Variants in F9 observed in about 807,000 individuals in gnomAD.
The protein encoded by F9 is Christmas factor.
In F9, 2 loss-of-function variants were observed where a neutral mutation model predicts 34.1. That is an observed-to-expected ratio of 0.06 (90% CI 0.02 to 0.18). The LOEUF (loss-of-function observed/expected upper bound fraction) is 0.18. F9 is among the 10% of genes least tolerant of loss of function. The probability of loss-of-function intolerance (pLI) is 1.00; values close to 1 mark genes in which losing one functional copy is unlikely to be tolerated. For synonymous variants in F9, 137 were observed against 118.8 expected (o/e 1.15, Z -1.00); for missense variants, 216 against 345.1 (o/e 0.63, Z 2.96).
At position 139,551,896 on chromosome X, in the gene F9, G is replaced by C. The variant is rs192829869; in HGVS notation, c.723+632G>C. ...GCAGGTGATTTTGATGCACATTATA[G>C]TTTGAAAACTAGGCCAGGTGCAGTG... On this transcript the variant is annotated intron_variant, in intron 6 of 7. Transcript: ENST00000218099. Among the ~76,000 whole-genome samples, 3 of 111,963 alleles carry C rather than the reference G, an allele frequency of 2.7e-5. No individual in the cohort carries two copies. The East Asian group carries it at 8.5e-4, about 32-fold the overall frequency.
chrX:139,562,184 A>G lies in F9; in HGVS notation c.*113A>G. ...ATTTGAATATATACATTCTATGATCATTGCTTTTTCTCTTTACAGGGGAGA... is the reference window on the plus strand; with the variant it reads ...ATTTGAATATATACATTCTATGATCGTTGCTTTTTCTCTTTACAGGGGAGA... On this transcript the variant is annotated 3_prime_UTR_variant, in exon 8 of 8. Transcript: ENST00000218099. 2 of 692,245 alleles carry G rather than the reference A, an allele frequency of 2.9e-6. No homozygotes were observed. The highest frequency in any genetic ancestry group is 4.4e-6 in the Non-Finnish European group (2 of 457,195). 57.0% of individuals were successfully genotyped at this position (692,245 alleles called of 1,213,427 possible).
At chrX:139,538,777 C>T (rs1344273869) in intron 3 of F9, among the ~76,000 whole-genome samples, 2 of 110,330 alleles carry the variant, frequency 1.8e-5, no homozygotes, top group African/African-American at 3.3e-5. Context: ...CCAAAAAATT[C>T]CTGACTATTA....
chrX:139,551,181 A>G lies in F9; in HGVS notation c.640A>G (p.Ile214Val). The change falls in exon 6 of 8, where the codon ATC becomes GTC. Residue 214 changes from isoleucine to valine, a missense_variant. Coordinates refer to ENST00000218099, the MANE Select transcript of F9 (RefSeq NM_000133.4). ...STEAETILDN[I>V]TQSTQSFNDF... ...TGAAGCTGAAACCATTTTGGATAACATCACTCAAAGCACCCAATCATTTAA... is the reference window on the plus strand; with the variant it reads ...TGAAGCTGAAACCATTTTGGATAACGTCACTCAAAGCACCCAATCATTTAA... 8.3e-7 allele frequency: 1 copy of G among 1,211,516 alleles called. No homozygotes were observed. The highest frequency in any genetic ancestry group is 1.1e-6 in the Non-Finnish European group (1 of 895,336).
intron 5 of F9, among the ~76,000 whole-genome samples, chrX:139,550,534 T>A (rs1927816168): frequency 9.0e-6 from 1 of 111,718 alleles, no homozygotes; most frequent in Non-Finnish European, 1.9e-5. Context: ...TGGCTAATAT[T>A]TGAAGCCCAA....
chrX:139,544,346 G>A (rs747918428), intron 4 of F9, among the ~76,000 whole-genome samples: 56 of 108,963 alleles, frequency 5.1e-4, no homozygotes, highest in Middle Eastern at 9.3e-3. Flanking sequence ...GAGGAGAAAG[G>A]CCTTTTAATT....
chrX:139,547,849 A>G (rs1260833760), intron 4 of F9: 4 of 113,872 alleles, frequency 3.5e-5, no homozygotes, highest in African/African-American at 9.7e-5. Context: ...ACTTCTGTTT[A>G]TAATTCAAGA....
chrX:139,537,631 G>A (rs1170346475), intron 3 of F9, among the ~76,000 whole-genome samples: 1 of 111,498 alleles, frequency 9.0e-6, no homozygotes, highest in African/African-American at 3.3e-5. Flanking sequence ...CCCCAGGAGG[G>A]TGGAAGGAAG....
chrX:139,558,013 C>G (rs1224122799), intron 6 of F9, among the ~76,000 whole-genome samples: 1 of 112,624 alleles, frequency 8.9e-6, no homozygotes, highest in African/African-American at 3.2e-5. Flanking sequence ...CTCCAAACAC[C>G]TGCCCAATGA....
At position 139,562,366 on chromosome X, in the gene F9, A is replaced by G. The variant is rs1267897990; in HGVS notation, c.*295A>G. 3 of 295,983 alleles carry G rather than the reference A, an allele frequency of 1.0e-5. No individual in the cohort carries two copies. The highest frequency in any genetic ancestry group is 6.9e-5 in the East Asian group (1 of 14,478). The allele number at this position is 295,983 out of a possible 1,213,427, so 24.4% of individuals were successfully genotyped here. ...CCATCAGATACTATGGTTCTCCACT[A>G]TGGCAACTAACTCACTCAATTTTCC... On this transcript the variant is annotated 3_prime_UTR_variant, in exon 8 of 8. Transcript: ENST00000218099.
chrX:139,543,306 G>T (rs1000056840), intron 4 of F9, among the ~76,000 whole-genome samples: 6 of 111,367 alleles, frequency 5.4e-5, no homozygotes, highest in Non-Finnish European at 1.1e-4. Context: ...TTAGAATAAA[G>T]ACCTCTGTAT....
At chrX:139,539,289 C>T (rs1391007810) in intron 3 of F9, among the ~76,000 whole-genome samples, 5 of 112,216 alleles carry the variant, frequency 4.5e-5, no homozygotes, top group African/African-American at 9.7e-5. Context: ...AAAAGAACTG[C>T]CAAAGGTCTC....
chrX:139,537,911 C>G (rs750603461), intron 3 of F9, among the ~76,000 whole-genome samples: 1 of 111,271 alleles, frequency 9.0e-6, no homozygotes, highest in Admixed American at 9.6e-5. Flanking sequence ...GAGGCTTTAT[C>G]TGGCTGTTTC....
chrX:139,553,697 C>G (rs935367037), intron 6 of F9, among the ~76,000 whole-genome samples: 19 of 107,676 alleles, frequency 1.8e-4, no homozygotes, highest in African/African-American at 6.1e-4. Context: ...CCTATAGTCC[C>G]AGCTACACGG....
chrX:139,548,268 A>G, intron 4 of F9, 95 bp from the exon 5 acceptor site: 1 of 970,489 alleles, frequency 1.0e-6, no homozygotes, highest in Admixed American at 2.3e-5. Flanking sequence ...AATGCCCCCA[A>G]TGTATATTTG....
chrX:139,557,899 A>G (rs1928005708), intron 6 of F9, among the ~76,000 whole-genome samples: 1 of 112,028 alleles, frequency 8.9e-6, no homozygotes, highest in African/African-American at 3.2e-5. Flanking sequence ...CTACCTAGGG[A>G]CTTGAATCCC....
At chrX:139,555,481 C>T (rs919765357) in intron 6 of F9, among the ~76,000 whole-genome samples, 2 of 113,132 alleles carry the variant, frequency 1.8e-5, no homozygotes, top group African/African-American at 6.4e-5. Flanking sequence ...CGGAACGGCG[C>T]TGCCGGCCCC....
rs1258831035 is a variant in F9 at position 139,561,827 on chromosome X, C to T, written c.1142C>T (p.Thr381Ile). Residue 381 changes from threonine (T) to isoleucine (I), a missense_variant, in exon 8 of 8, where the codon ACA (threonine) becomes ATA (isoleucine). Physicochemically the swap from Thr to Ile is moderately conservative, Grantham distance 89 (BLOSUM62 -1). Coordinates refer to ENST00000218099, the MANE Select transcript of F9 (RefSeq NM_000133.4). Reference protein sequence around the residue: ...YLRVPLVDRATCLRSTKFTIY... With the variant: ...YLRVPLVDRAICLRSTKFTIY... ...AGAGTTCCACTTGTTGACCGAGCCA[C>T]ATGTCTTCGATCTACAAAGTTCACC... 8.3e-7 allele frequency: 1 copy of T among 1,211,806 alleles called. No homozygotes were observed. Among genetic ancestry groups the T allele is most frequent in the Non-Finnish European group, 1.1e-6 (1 of 895,547 alleles).
At chrX:139,536,290 T>TAG (rs761124334) in intron 1 of F9, among the ~76,000 whole-genome samples, 6 of 101,002 alleles carry the variant, frequency 5.9e-5, no homozygotes, top group South Asian at 4.6e-4. Flanking sequence ...CACACACACA[T>TAG]AGAGAGAGAG....
At chrX:139,559,277 G>A (rs908976830) in intron 6 of F9, among the ~76,000 whole-genome samples, 2 of 112,359 alleles carry the variant, frequency 1.8e-5, no homozygotes, top group Non-Finnish European at 3.8e-5. Context: ...GGAAATGGCC[G>A]GGTGCAGTGG....
Sources: gnomAD v4.1 joint callset for allele counts (sites outside exome capture counted in the v4.1 genomes callset) on GRCh38, gnomAD v4.1.1 for gene constraint, MANE v1.5 for transcripts, NCBI Gene and HGNC (gene_info 2026-07-23, HGNC 2026-07-21) for gene names.